Variants in ANKRD11 observed in about 807,000 individuals in gnomAD.
ANKRD11 encodes ankyrin repeat domain-containing protein 11.
A neutral mutation model predicts 195.7 loss-of-function variants in ANKRD11; 17 were observed. The observed-to-expected ratio is 0.09, with a 90% CI of 0.06 to 0.13. ANKRD11 has a LOEUF of 0.13. Among genes scored for constraint, ANKRD11 ranks in the 10% least tolerant of loss-of-function variants. The probability of loss-of-function intolerance (pLI) is 1.00; values close to 1 mark genes in which losing one functional copy is unlikely to be tolerated. For missense variants in ANKRD11, 3,735 were observed against 3,566.1 expected (o/e 1.05, Z -1.21); for synonymous variants, 1,953 against 1,528.1 (o/e 1.28, Z -6.49).
Position 89,283,111 on chromosome 16 carries a change from G to A in ANKRD11, c.3431C>T (p.Pro1144Leu), listed in dbSNP as rs137894790. Residue 1144 changes from proline (P) to leucine (L), a missense_variant, in exon 9 of 13, where the codon CCG (proline) becomes CTG (leucine). Physicochemically the swap from Pro to Leu is moderately conservative, Grantham distance 98. Coordinates refer to ENST00000301030, the MANE Select transcript of ANKRD11 (RefSeq NM_013275.6). This position sits in a 1 kb window ranked among gnomAD's most constrained non-coding sequence, Gnocchi z 4.3. ...GFKMGEASDLPRTDGLQEKEE... is the reference protein window; with the variant it reads ...GFKMGEASDLLRTDGLQEKEE... Reference sequence around the variant, plus strand: ...CTTCTCCTGGAGGCCGTCCGTCCTCGGCAAGTCGCTGGCCTCTCCCATCTT... The same window carrying A: ...CTTCTCCTGGAGGCCGTCCGTCCTCAGCAAGTCGCTGGCCTCTCCCATCTT... The A allele has an allele frequency of 4.9e-4, 783 of 1,613,860 alleles. 13 individuals carry two copies. In the East Asian group the frequency reaches 0.014, roughly 30 times the overall value.
chr16:89,404,617 CAGG>C (rs1305174486), intron 2 of ANKRD11, among the ~76,000 whole-genome samples: 31 of 152,224 alleles, frequency 2.0e-4, no homozygotes, highest in Admixed American at 3.3e-4. Context: ...ATGCCTAGGT[CAGG>C]AGAAGACAGA....
At chr16:89,444,644 G>A (rs2043699337) in intron 1 of ANKRD11, among the ~76,000 whole-genome samples, 1 of 152,088 alleles carries the variant, frequency 6.6e-6, no homozygotes, top group South Asian at 2.1e-4. Context: ...CAGCATACAA[G>A]ACTGCTTTTA....
At chr16:89,449,464 C>A (rs1412244346) in intron 1 of ANKRD11, among the ~76,000 whole-genome samples, 4 of 151,834 alleles carry the variant, frequency 2.6e-5, no homozygotes, top group African/African-American at 4.8e-5. Context: ...TTAAATTATA[C>A]CCACACACCC....
intron 2 of ANKRD11, among the ~76,000 whole-genome samples, chr16:89,329,399 GA>G (rs1287823886): frequency 6.6e-6 from 1 of 151,632 alleles, no homozygotes; most frequent in Admixed American, 6.6e-5. Context: ...CAGAAAAAAG[GA>G]AAAAAAAGGG....
At chr16:89,332,629 C>T (rs1264398154) in intron 2 of ANKRD11, among the ~76,000 whole-genome samples, 1 of 152,258 alleles carries the variant, frequency 6.6e-6, no homozygotes, top group Non-Finnish European at 1.5e-5. Flanking sequence ...GTTATCATCA[C>T]TGTAATGGCT....
chr16:89,446,011 A>C (rs1265487919), intron 1 of ANKRD11, among the ~76,000 whole-genome samples: 8 of 151,980 alleles, frequency 5.3e-5, no homozygotes, highest in Middle Eastern at 3.4e-3. Context: ...TAAAAAAAAA[A>C]AAAAAAAAAC....
chr16:89,321,539 T>G (rs2151936393), intron 2 of ANKRD11, among the ~76,000 whole-genome samples: 1 of 152,258 alleles, frequency 6.6e-6, no homozygotes, highest in East Asian at 1.9e-4. Flanking sequence ...GCCAGAGGCC[T>G]TGGCATCACC....
chr16:89,488,728 A>C (rs570993071), intron 1 of ANKRD11, among the ~76,000 whole-genome samples: 1 of 152,322 alleles, frequency 6.6e-6, no homozygotes, highest in African/African-American at 2.4e-5. Flanking sequence ...AAAAAGGATC[A>C]AAAGATTCTC....
At chr16:89,381,899 T>C (rs1179585920) in intron 2 of ANKRD11, among the ~76,000 whole-genome samples, 1 of 152,246 alleles carries the variant, frequency 6.6e-6, no homozygotes, top group Non-Finnish European at 1.5e-5. Context: ...GTGACCACAG[T>C]CCAGCCGACT....
chr16:89,434,932 T>C (rs2043149233), intron 1 of ANKRD11, among the ~76,000 whole-genome samples: 1 of 152,182 alleles, frequency 6.6e-6, no homozygotes, highest in Non-Finnish European at 1.5e-5. Context: ...TGCGGATGGC[T>C]AGGTGAAGCA....
At position 89,281,208 on chromosome 16, in the gene ANKRD11, A is replaced by G; in HGVS notation, c.5334T>C (p.Ala1778=). Reference sequence around the variant, plus strand: ...GGTTTGTGGAGAGAGGCCTGGCAGGAGCCTGGCTGGCGTTTTCCGAAAGCC... The same window carrying G: ...GGTTTGTGGAGAGAGGCCTGGCAGGGGCCTGGCTGGCGTTTTCCGAAAGCC... ...SSGLSENASQ[A]PARPLSTNLY... The change falls in exon 9 of 13, where the codon GCT becomes GCC. Residue 1778 remains alanine (A), a synonymous_variant. Coordinates refer to ENST00000301030, the MANE Select transcript of ANKRD11 (RefSeq NM_013275.6). The surrounding 1 kb of genome is among the most constrained non-coding windows in gnomAD (Gnocchi z 5.5). 1 of 1,614,118 alleles carries G rather than the reference A, an allele frequency of 6.2e-7. No homozygotes were observed. Among genetic ancestry groups the G allele is most frequent in the Non-Finnish European group, 8.5e-7 (1 of 1,180,022 alleles).
chr16:89,480,954 C>T (rs2057425526), intron 1 of ANKRD11, among the ~76,000 whole-genome samples: 1 of 152,166 alleles, frequency 6.6e-6, no homozygotes, highest in Non-Finnish European at 1.5e-5. Context: ...CCAGTGACGT[C>T]CACATCTGTC....
chr16:89,293,439 G>C (rs1000972995), intron 4 of ANKRD11, among the ~76,000 whole-genome samples: 5 of 151,224 alleles, frequency 3.3e-5, no homozygotes, highest in African/African-American at 1.2e-4. Flanking sequence ...GGCAGAGTTG[G>C]GGTTGCGGAG....
intron 1 of ANKRD11, among the ~76,000 whole-genome samples, chr16:89,469,297 C>T (rs984422049): frequency 6.6e-6 from 1 of 152,152 alleles, no homozygotes; most frequent in African/African-American, 2.4e-5. Context: ...TCTTGGCTCA[C>T]TGCAACCTCT....
chr16:89,280,572 G>A lies in ANKRD11; in HGVS notation c.5970C>T (p.Ser1990=). Residue 1990 remains serine (S), a synonymous_variant, in exon 9 of 13, where the codon TCC becomes TCT. Coordinates refer to ENST00000301030, the MANE Select transcript of ANKRD11 (RefSeq NM_013275.6). ...GGTCCGCGGGGCAGAAACGCTTTGGGGACTCGGGGAATCTCTGTGGAGACT... is the reference window on the plus strand; with the variant it reads ...GGTCCGCGGGGCAGAAACGCTTTGGAGACTCGGGGAATCTCTGTGGAGACT... ...LLKSPQRFPE[S]PKRFCPADPL... is the part of the protein sequence containing the mutation. 1 of 1,613,386 alleles carries A rather than the reference G, an allele frequency of 6.2e-7. No individual in the cohort carries two copies. Among genetic ancestry groups the A allele is most frequent in the Admixed American group, 1.7e-5 (1 of 60,032 alleles).
chr16:89,480,165 C>A (rs1345345478), intron 1 of ANKRD11, among the ~76,000 whole-genome samples: 1 of 151,398 alleles, frequency 6.6e-6, no homozygotes, highest in East Asian at 2.0e-4. Flanking sequence ...CTTCTCAGAC[C>A]ACAAGCCTTT....
intron 2 of ANKRD11, among the ~76,000 whole-genome samples, chr16:89,414,790 T>A (rs1272244727): frequency 2.6e-5 from 4 of 152,078 alleles, no homozygotes; most frequent in African/African-American, 9.7e-5. Flanking sequence ...GGCACCTAAG[T>A]CACGCCCAGA....
rs144850719 is a variant in ANKRD11 at position 89,353,963 on chromosome 16, C to A, written c.-59-36885G>T. Among the ~76,000 whole-genome samples, 697 of 152,246 alleles carry A rather than the reference C, an allele frequency of 4.6e-3. 7 individuals are homozygous for A. The highest frequency in any genetic ancestry group is 0.015 in the African/African-American group (643 of 41,560). ...GCGGGCAGAGATGGAGACATAAAGG[C>A]GGAGCTGGCTTCCAGCCTTGTGAAC... On this transcript the variant is annotated intron_variant, in intron 2 of 12. Transcript: ENST00000301030.
At chr16:89,462,047 CCCCTCTCCCTCTCCCTCTCT>C (rs1184734239) in intron 1 of ANKRD11, among the ~76,000 whole-genome samples, 17 of 131,350 alleles carry the variant, frequency 1.3e-4, no homozygotes, top group Admixed American at 4.8e-4. Flanking sequence ...TCTCCCTCTC[CCCCTCTCCCTCTCCCTCTCT>C]CCCTCTCCCT....
Sources: gnomAD v4.1 joint callset for allele counts (sites outside exome capture counted in the v4.1 genomes callset) on GRCh38, gnomAD v4.1.1 for gene constraint, Gnocchi (gnomAD v3.1) non-coding constraint, MANE v1.5 for transcripts, NCBI Gene and HGNC (gene_info 2026-07-23, HGNC 2026-07-21) for gene names.